The following VWF variants were observed in gnomAD, a reference collection of about 807,000 sequenced individuals.
The protein encoded by VWF is von Willebrand factor, also known as Factor VIII related antigen.
Under a neutral mutation model 308.6 loss-of-function variants are expected in VWF, and 176 were observed. That is an observed-to-expected ratio of 0.57 (90% confidence interval 0.50 to 0.65). VWF has a LOEUF of 0.65. Ranked by LOEUF, VWF falls within the 30% of genes least tolerant of loss-of-function variation. The pLI, the probability that VWF is intolerant of heterozygous loss-of-function variation, is 0.00. For missense variants in VWF, 3,146 were observed against 3,648.2 expected, an observed-to-expected ratio of 0.86 and a Z score of 3.55; for synonymous variants, 1,385 against 1,443.4, an observed-to-expected ratio of 0.96 and a Z score of 0.92.
chr12:5,958,227 A>G (rs1173070896), intron 47 of VWF, among the ~76,000 whole-genome samples: 1 of 152,230 alleles, frequency 6.6e-6, no homozygotes. Flanking sequence ...AACCCCAACC[A>G]TATCAATAAT....
intron 6 of VWF, among the ~76,000 whole-genome samples, chr12:6,087,605 T>C (rs1000660282): frequency 4.0e-5 from 6 of 151,128 alleles, no homozygotes; most frequent in Non-Finnish European, 8.9e-5. Context: ...GACCTCGTGA[T>C]CCGCCCGCCT....
chr12:6,097,752 A>G (rs1945120486), intron 5 of VWF, among the ~76,000 whole-genome samples: 1 of 152,246 alleles, frequency 6.6e-6, no homozygotes, highest in Non-Finnish European at 1.5e-5. Context: ...GGAAACTGAT[A>G]CATGGGAGAA....
intron 6 of VWF, among the ~76,000 whole-genome samples, chr12:6,080,006 G>A (rs1314492394): frequency 6.6e-6 from 1 of 151,876 alleles, no homozygotes; most frequent in East Asian, 1.9e-4. Context: ...CATCCCATCT[G>A]CCCTCCTGCA....
chr12:5,964,238 A>ACATACATGCATG (rs757631019), intron 47 of VWF, among the ~76,000 whole-genome samples: 14 of 138,720 alleles, frequency 1.0e-4, no homozygotes, highest in Middle Eastern at 7.1e-3. Flanking sequence ...ATACATACAT[A>ACATACATGCATG]CATACATACA....
chr12:6,039,723 A>G (rs925671435), intron 18 of VWF, among the ~76,000 whole-genome samples: 13 of 152,150 alleles, frequency 8.5e-5, no homozygotes, highest in African/African-American at 3.1e-4. Context: ...AAAATGTGCA[A>G]CGCCCACATG....
chr12:6,057,506 T>TATTATTATA (rs1171746819), intron 14 of VWF, among the ~76,000 whole-genome samples: 1 of 145,306 alleles, frequency 6.9e-6, no homozygotes, highest in Non-Finnish European at 1.5e-5. Context: ...TTATTATTAT[T>TATTATTATA]ATTATTATTA....
chr12:5,964,222 A>ACATACATACATACATACATGCATGCATG (rs879807475), intron 47 of VWF, among the ~76,000 whole-genome samples: 64 of 116,746 alleles, frequency 5.5e-4, no homozygotes, highest in African/African-American at 2.7e-3. Flanking sequence ...GTCTAAAAAT[A>ACATACATACATACATACATGCATGCATG]CATACATACA....
intron 34 of VWF, among the ~76,000 whole-genome samples, chr12:6,009,544 G>A (rs1169110362): frequency 2.0e-5 from 3 of 152,100 alleles, no homozygotes; most frequent in East Asian, 3.9e-4. Context: ...AAGTGGTGTC[G>A]CGACTACAGA....
At chr12:5,968,591 T>C (rs896604066) in intron 45 of VWF, among the ~76,000 whole-genome samples, 1 of 151,046 alleles carries the variant, frequency 6.6e-6, no homozygotes, top group Non-Finnish European at 1.5e-5. Context: ...AGGTCAGGAG[T>C]TCAAGACCAG....
chr12:5,952,953 G>A lies in VWF; in HGVS notation c.7987-434C>T, dbSNP rs918747085. Among the ~76,000 whole-genome samples, 42 of 152,186 alleles carry A rather than the reference G, an allele frequency of 2.8e-4. 1 individual carries two copies. Among genetic ancestry groups the A allele is most frequent in the Non-Finnish European group, 2.9e-5 (2 of 68,040 alleles). ...TAAAGATCAACCACCTCCAGGCCAGGCACGGTGGCTCACACCTGTAATCCC... is the reference window on the plus strand; with the variant it reads ...TAAAGATCAACCACCTCCAGGCCAGACACGGTGGCTCACACCTGTAATCCC... On this transcript the variant is annotated intron_variant, in intron 48 of 51. Coordinates refer to ENST00000261405, the MANE Select transcript of VWF (RefSeq NM_000552.5).
rs996112665 is a variant in VWF at position 5,976,390 on chromosome 12, G to A, written c.7288-130C>T. The A allele has an allele frequency of 3.0e-5, 36 of 1,191,456 alleles. No homozygotes were observed. In the Admixed American group the frequency reaches 4.6e-4, roughly 15 times the overall value. 73.8% of individuals were successfully genotyped at this position (1,191,456 alleles called of 1,614,324 possible). ...ATAAATAAAACCAAATGTGGTCTCC[G>A]CCCATATGCAGGGCTGCTTATAAAG... is the stretch of plus-strand genomic sequence containing the variant. On this transcript the variant is annotated intron_variant, in intron 42 of 51. Coordinates refer to ENST00000261405, the MANE Select transcript of VWF (RefSeq NM_000552.5).
intron 6 of VWF, among the ~76,000 whole-genome samples, chr12:6,087,892 G>C (rs952797364): frequency 1.3e-5 from 2 of 152,016 alleles, no homozygotes; most frequent in African/African-American, 4.8e-5. Context: ...ACCACTCTAC[G>C]GTAGGTAGAG....
chr12:6,103,331 A>AAT (rs761899431), intron 5 of VWF, among the ~76,000 whole-genome samples: 2,330 of 146,574 alleles, frequency 0.016, 66 homozygotes, highest in African/African-American at 0.054. Context: ...CGTCTCAAAA[A>AAT]ATATATATAT....
intron 16 of VWF, among the ~76,000 whole-genome samples, chr12:6,047,833 G>A (rs900587532): frequency 1.3e-5 from 2 of 152,212 alleles, no homozygotes; most frequent in African/African-American, 2.4e-5. Context: ...GTGTCCCAGT[G>A]ATTGACATAG....
chr12:6,090,872 T>G lies in VWF; in HGVS notation c.657+4588A>C, dbSNP rs557894655. 2.0e-5 allele frequency among the ~76,000 whole-genome samples: 3 copies of G among 152,196 alleles called. No homozygotes were observed. The East Asian group carries it at 5.8e-4, about 29-fold the overall frequency. ...ACCACGCTCACGCCGAGGCCCAGGG[T>G]GAGAGACACTCAAGGGGCTATCAAG... is the stretch of plus-strand genomic sequence containing the variant. On this transcript the variant is annotated intron_variant, in intron 6 of 51. Coordinates refer to ENST00000261405, the MANE Select transcript of VWF (RefSeq NM_000552.5).
At chr12:6,038,815 G>A (rs1371489807) in intron 18 of VWF, among the ~76,000 whole-genome samples, 1 of 152,228 alleles carries the variant, frequency 6.6e-6, no homozygotes, top group Non-Finnish European at 1.5e-5. Context: ...GAGAGCTGGA[G>A]AGGAGACAAA....
intron 16 of VWF, among the ~76,000 whole-genome samples, chr12:6,051,565 T>C (rs1944512646): frequency 1.3e-5 from 2 of 152,148 alleles, no homozygotes; most frequent in Non-Finnish European, 2.9e-5. Context: ...TGAGCCACTG[T>C]GCCTGGCCAA....
intron 34 of VWF, among the ~76,000 whole-genome samples, chr12:6,000,830 A>AG (rs1263949903): frequency 6.6e-6 from 1 of 151,528 alleles, no homozygotes; most frequent in Non-Finnish European, 1.5e-5. Context: ...AAAAAAAAAA[A>AG]AAAAGAAATC....
chr12:6,048,464 C>T (rs1413971215), intron 16 of VWF, among the ~76,000 whole-genome samples: 3 of 150,766 alleles, frequency 2.0e-5, no homozygotes, highest in Non-Finnish European at 3.0e-5. Context: ...ACGTGCCCTG[C>T]CTGTTTTTGT....
Sources: gnomAD v4.1 joint callset for allele counts (sites outside exome capture counted in the v4.1 genomes callset) on GRCh38, gnomAD v4.1.1 for gene constraint, MANE v1.5 for transcripts, NCBI Gene and HGNC (gene_info 2026-07-23, HGNC 2026-07-21) for gene names.